Variants in PDS5B observed in about 807,000 individuals in gnomAD.
PDS5B encodes the protein PDS5 cohesin associated factor B.
In PDS5B, 51 loss-of-function variants were observed where a neutral mutation model predicts 184.1. The observed-to-expected ratio is 0.28, with a 90% CI of 0.22 to 0.35. The LOEUF (loss-of-function observed/expected upper bound fraction) is 0.35. PDS5B is among the 10% of genes least tolerant of loss of function. PDS5B has a pLI of 1.00. For synonymous variants in PDS5B, 566 were observed against 569.2 expected (o/e 0.99, Z 0.08); for missense variants, 1,180 against 1,723.3 (o/e 0.68, Z 5.58).
intron 1 of PDS5B, among the ~76,000 whole-genome samples, chr13:32,619,370 A>T (rs2058263518): frequency 6.6e-6 from 1 of 152,206 alleles, no homozygotes; most frequent in Non-Finnish European, 1.5e-5. Context: ...TCTGTACAGC[A>T]TGTTACTGTT....
At chr13:32,710,464 C>A (rs747552991) in intron 19 of PDS5B, among the ~76,000 whole-genome samples, 1 of 152,022 alleles carries the variant, frequency 6.6e-6, no homozygotes, top group Non-Finnish European at 1.5e-5. Context: ...TGATTTAGGG[C>A]TGAAACAAAA....
chr13:32,759,320 G>A (rs1435162931), intron 28 of PDS5B, among the ~76,000 whole-genome samples: 2 of 152,172 alleles, frequency 1.3e-5, no homozygotes, highest in Admixed American at 1.3e-4. Flanking sequence ...TCACGTTGGT[G>A]TGAGCAGAGT....
chr13:32,758,146 T>C lies in PDS5B; in HGVS notation c.3116T>C (p.Phe1039Ser). Residue 1039 changes from phenylalanine (F) to serine (S), a missense_variant, in exon 27 of 35, where the codon TTT becomes TCT. Physicochemically the swap from Phe to Ser is radical, Grantham distance 155. Around this residue, in one of 11 missense-constraint regions of PDS5B, gnomAD observed 465 missense variants for 497.8 expected, o/e 0.93. Transcript: ENST00000315596. ...MAKNENNSHAFIRKMVENIKQ... is the reference protein window; with the variant it reads ...MAKNENNSHASIRKMVENIKQ... ...AAAAATGAAAATAACAGTCACGCTT[T>C]TATCAGAAAGATGGTAGAAAATATT... The C allele has an allele frequency of 6.5e-7, 1 of 1,550,200 alleles. No individual in the cohort carries two copies. The highest frequency in any genetic ancestry group is 1.2e-5 in the South Asian group (1 of 84,300).
intron 1 of PDS5B, among the ~76,000 whole-genome samples, chr13:32,634,508 G>C (rs2058507296): frequency 6.6e-6 from 1 of 151,856 alleles, no homozygotes; most frequent in Non-Finnish European, 1.5e-5. Flanking sequence ...AAAAGTCTTT[G>C]TGTGGATATA....
chr13:32,598,793 CAG>C (rs1167576969), intron 1 of PDS5B, among the ~76,000 whole-genome samples: 3 of 113,594 alleles, frequency 2.6e-5, no homozygotes, highest in Admixed American at 2.1e-4. Context: ...TTTTTTGAGA[CAG>C]AGTCTTGCCC....
At chr13:32,610,224 A>G (rs2058120836) in intron 1 of PDS5B, among the ~76,000 whole-genome samples, 1 of 152,216 alleles carries the variant, frequency 6.6e-6, no homozygotes, top group South Asian at 2.1e-4. Context: ...CGTATAGGTA[A>G]TACTTGGGAA....
At chr13:32,632,876 G>C (rs1217836823) in intron 1 of PDS5B, among the ~76,000 whole-genome samples, 6 of 152,070 alleles carry the variant, frequency 3.9e-5, no homozygotes. Context: ...GGCTGAGGCA[G>C]GCGGATCTTG....
intron 1 of PDS5B, among the ~76,000 whole-genome samples, chr13:32,595,391 A>T (rs945185714): frequency 3.3e-5 from 5 of 152,290 alleles, no homozygotes; most frequent in Middle Eastern, 3.4e-3. Flanking sequence ...ATACACAATA[A>T]AAAACCTCTC....
At chr13:32,612,553 C>A (rs201597586) in intron 1 of PDS5B, among the ~76,000 whole-genome samples, 2 of 152,314 alleles carry the variant, frequency 1.3e-5, no homozygotes, top group East Asian at 3.9e-4. Context: ...CCAATGCCGT[C>A]TGCTATGGTT....
At chr13:32,615,104 T>C (rs2058199396) in intron 1 of PDS5B, among the ~76,000 whole-genome samples, 1 of 152,192 alleles carries the variant, frequency 6.6e-6, no homozygotes, top group Non-Finnish European at 1.5e-5. Flanking sequence ...CTATCAATTA[T>C]TATTACCCCA....
rs555062116 is a variant in PDS5B, at chr13:32,601,054, A to G, written c.-20+14461A>G. On this transcript the variant is annotated intron_variant, in intron 1 of 34. Coordinates refer to ENST00000315596, the MANE Select transcript of PDS5B (RefSeq NM_015032.4). ...TAAAACAGCTTTCTGCTTGAGCTCT[A>G]TCTGCCCTATGCTGCTGCAAACTGG... 1.2e-4 allele frequency among the ~76,000 whole-genome samples: 18 copies of G among 152,288 alleles called. No individual in the cohort carries two copies. In the East Asian group the frequency reaches 1.7e-3, roughly 15 times the overall value.
At chr13:32,612,028 G>T (rs1045454970) in intron 1 of PDS5B, among the ~76,000 whole-genome samples, 22 of 151,472 alleles carry the variant, frequency 1.5e-4, no homozygotes, top group African/African-American at 5.1e-4. Context: ...TTGTTCTGTT[G>T]GCAGACTTTC....
At chr13:32,612,635 T>G (rs2058161001) in intron 1 of PDS5B, among the ~76,000 whole-genome samples, 1 of 152,168 alleles carries the variant, frequency 6.6e-6, no homozygotes, top group Admixed American at 6.5e-5. Flanking sequence ...TGGGACCTAA[T>G]TTGAGATGAT....
intron 1 of PDS5B, among the ~76,000 whole-genome samples, chr13:32,609,710 G>T (rs985714010): frequency 3.9e-5 from 6 of 152,080 alleles, no homozygotes; most frequent in Admixed American, 6.6e-5. Flanking sequence ...CCCCTTGATA[G>T]TGAGATCAGT....
At chr13:32,651,601 G>GA (rs1192782612) in intron 2 of PDS5B, among the ~76,000 whole-genome samples, 17 of 152,062 alleles carry the variant, frequency 1.1e-4, no homozygotes, top group Non-Finnish European at 2.1e-4. Context: ...TTGGGTAAAT[G>GA]AAAAAATATT....
intron 1 of PDS5B, among the ~76,000 whole-genome samples, chr13:32,638,789 A>C (rs1304806862): frequency 6.6e-6 from 1 of 151,804 alleles, no homozygotes; most frequent in Admixed American, 6.6e-5. Context: ...GAGGAGGGCT[A>C]TTTCCTTTCT....
intron 19 of PDS5B, among the ~76,000 whole-genome samples, chr13:32,716,467 G>A (rs1283302400): frequency 2.0e-5 from 3 of 150,682 alleles, no homozygotes; most frequent in Non-Finnish European, 3.0e-5. Context: ...CCGCCCGGCA[G>A]CCGCCCCGTC....
intron 19 of PDS5B, among the ~76,000 whole-genome samples, chr13:32,718,124 C>G (rs113286072): frequency 0.046 from 6,966 of 151,518 alleles, 449 homozygotes; most frequent in African/African-American, 0.15. Context: ...TACAATAGAT[C>G]ATTTTTGATA....
chr13:32,668,763 G>T (rs1041436546), intron 7 of PDS5B, among the ~76,000 whole-genome samples: 2 of 152,108 alleles, frequency 1.3e-5, no homozygotes, highest in Non-Finnish European at 2.9e-5. Context: ...AAATTTGAGG[G>T]AGAGTTTTTC....
Sources: gnomAD v4.1 joint callset for allele counts (sites outside exome capture counted in the v4.1 genomes callset) on GRCh38, gnomAD v4.1.1 for gene constraint, gnomAD v4.1.1 regional missense constraint, MANE v1.5 for transcripts, NCBI Gene and HGNC (gene_info 2026-07-23, HGNC 2026-07-21) for gene names.